EDA: variants seen among roughly 807,000 people sequenced by gnomAD.
The protein encoded by EDA is ectodysplasin-A.
EDA carries 2 observed loss-of-function variants against 23.6 expected under a neutral mutation model. The ratio of observed to expected loss-of-function variants is 0.08; its 90% confidence interval spans 0.03 to 0.27. EDA has a LOEUF of 0.27. Among genes scored for constraint, EDA ranks in the 10% least tolerant of loss-of-function variants. The pLI, the probability that EDA is intolerant of heterozygous loss-of-function variation, is 1.00. For synonymous variants in EDA, 131 were observed against 132.0 expected (o/e 0.99, Z 0.05); for missense variants, 229 against 324.2 (o/e 0.71, Z 2.26).
chrX:69,745,871 C>G (rs1457556311), intron 1 of EDA, among the ~76,000 whole-genome samples: 1 of 111,048 alleles, frequency 9.0e-6, no homozygotes, highest in Non-Finnish European at 1.9e-5. Flanking sequence ...ACCTGTAATC[C>G]CAGCTACTCA....
intron 1 of EDA, among the ~76,000 whole-genome samples, chrX:69,898,944 C>T (rs1432579414): frequency 8.9e-6 from 1 of 111,950 alleles, no homozygotes; most frequent in African/African-American, 3.2e-5. Flanking sequence ...TACTTCTTTG[C>T]AATTACCATG....
intron 1 of EDA, among the ~76,000 whole-genome samples, chrX:69,928,667 A>G (rs2018554791): frequency 8.9e-6 from 1 of 112,201 alleles, no homozygotes; most frequent in Non-Finnish European, 1.9e-5. Context: ...CTCATAATGC[A>G]AACTAAAAAA....
Position 69,742,397 on chromosome X carries a change from A to T in EDA, c.396+125693A>T, listed in dbSNP as rs1385339491. Among the ~76,000 whole-genome samples the T allele has an allele frequency of 3.6e-5, 4 of 111,826 alleles. No homozygotes were observed. In the East Asian group the frequency reaches 1.1e-3, roughly 31 times the overall value. ...AGTTTCTGTTACACTGATCTGGGGAAATAGAGATGGGGTAAGAGAAGCAGG... is the reference window on the plus strand; with the variant it reads ...AGTTTCTGTTACACTGATCTGGGGATATAGAGATGGGGTAAGAGAAGCAGG... On this transcript the variant is annotated intron_variant, in intron 1 of 7. Transcript: ENST00000374552.
chrX:69,967,185 A>G (rs1307533859), intron 2 of EDA, among the ~76,000 whole-genome samples: 1 of 111,203 alleles, frequency 9.0e-6, no homozygotes, highest in Non-Finnish European at 1.9e-5. Context: ...AAAATAATGG[A>G]CGTGAGAGGG....
At chrX:69,992,535 T>G (rs2147467410) in intron 2 of EDA, among the ~76,000 whole-genome samples, 1 of 112,452 alleles carries the variant, frequency 8.9e-6, no homozygotes, top group African/African-American at 3.2e-5. Flanking sequence ...CCACAAGTTA[T>G]TTATTCATTC....
chrX:69,619,242 T>A (rs1932092198), intron 1 of EDA, among the ~76,000 whole-genome samples: 1 of 112,233 alleles, frequency 8.9e-6, no homozygotes, highest in Non-Finnish European at 1.9e-5. Flanking sequence ...TCAGGTTTCT[T>A]ACCAGTTTAT....
intron 2 of EDA, among the ~76,000 whole-genome samples, chrX:70,018,159 T>C (rs1307713898): frequency 1.8e-5 from 2 of 111,725 alleles, no homozygotes; most frequent in Admixed American, 1.9e-4. Context: ...GAAAGACCTC[T>C]ACACTGAGAA....
chrX:69,838,564 T>C (rs1053578431), intron 1 of EDA, among the ~76,000 whole-genome samples: 4 of 112,435 alleles, frequency 3.6e-5, no homozygotes, highest in Non-Finnish European at 5.6e-5. Flanking sequence ...GAGGCGGTGC[T>C]TGCAGTGAGC....
intron 1 of EDA, among the ~76,000 whole-genome samples, chrX:69,682,811 C>A (rs183465035): frequency 9.0e-6 from 1 of 111,469 alleles, no homozygotes; most frequent in East Asian, 2.8e-4. Context: ...AGCTGTAGAC[C>A]GGAGCTGTTC....
intron 1 of EDA, among the ~76,000 whole-genome samples, chrX:69,646,673 C>T (rs1305314748): frequency 2.7e-5 from 3 of 111,588 alleles, no homozygotes; most frequent in Non-Finnish European, 5.7e-5. Context: ...AGTCATTTAG[C>T]CCATTTACAT....
chrX:69,762,755 C>T (rs1488308019), intron 1 of EDA, among the ~76,000 whole-genome samples: 3 of 111,776 alleles, frequency 2.7e-5, no homozygotes. Flanking sequence ...CCTTCACACT[C>T]GATTGAAGTA....
intron 1 of EDA, among the ~76,000 whole-genome samples, chrX:69,788,378 G>A (rs1290780029): frequency 8.9e-6 from 1 of 112,160 alleles, no homozygotes; most frequent in African/African-American, 3.3e-5. Flanking sequence ...GTGCTTTTTA[G>A]AGTTTCCAGT....
chrX:69,696,934 T>G (rs1442851654), intron 1 of EDA, among the ~76,000 whole-genome samples: 1 of 112,401 alleles, frequency 8.9e-6, no homozygotes, highest in Non-Finnish European at 1.9e-5. Flanking sequence ...GAATATGTAT[T>G]AGAGTAATTC....
intron 1 of EDA, among the ~76,000 whole-genome samples, chrX:69,732,778 T>A (rs1338895315): frequency 3.6e-5 from 4 of 112,154 alleles, no homozygotes; most frequent in Non-Finnish European, 7.5e-5. Flanking sequence ...CCTGACTTTT[T>A]AATGATCGCC....
At chrX:69,954,612 A>G (rs1203013011) in intron 1 of EDA, among the ~76,000 whole-genome samples, 1 of 112,279 alleles carries the variant, frequency 8.9e-6, no homozygotes, top group Non-Finnish European at 1.9e-5. Context: ...ACTAGGCCCT[A>G]TCATATACTT....
chrX:69,882,225 G>A (rs1036426748), intron 1 of EDA, among the ~76,000 whole-genome samples: 3 of 111,724 alleles, frequency 2.7e-5, no homozygotes, highest in Non-Finnish European at 5.6e-5. Context: ...TGAGCAGATT[G>A]AGGCAAGCAG....
chrX:69,867,259 G>A (rs2017501096), intron 1 of EDA, among the ~76,000 whole-genome samples: 1 of 111,781 alleles, frequency 8.9e-6, no homozygotes, highest in African/African-American at 3.3e-5. Context: ...AGGGGTGGCT[G>A]GGAAAAGAGG....
chrX:69,952,568 T>C (rs1036732419), intron 1 of EDA, among the ~76,000 whole-genome samples: 2 of 112,139 alleles, frequency 1.8e-5, no homozygotes, highest in Non-Finnish European at 3.8e-5. Context: ...AGCCAAACCA[T>C]GAACTATGTT....
intron 1 of EDA, among the ~76,000 whole-genome samples, chrX:69,917,793 C>T (rs1436657521): frequency 9.0e-6 from 1 of 110,924 alleles, no homozygotes; most frequent in Admixed American, 9.7e-5. Context: ...AAGTCAGTCT[C>T]TGGTTTTCAT....
Sources: gnomAD v4.1 joint callset for allele counts (sites outside exome capture counted in the v4.1 genomes callset) on GRCh38, gnomAD v4.1.1 for gene constraint, MANE v1.5 for transcripts, NCBI Gene and HGNC (gene_info 2026-07-23, HGNC 2026-07-21) for gene names.